HS6ST2: variants seen among roughly 807,000 people sequenced by gnomAD.
HS6ST2 encodes the protein heparan-sulfate 6-O-sulfotransferase 2.
Under a neutral mutation model 33.0 loss-of-function variants are expected in HS6ST2, and 17 were observed. The ratio of observed to expected loss-of-function variants is 0.52; its 90% CI spans 0.35 to 0.77. The LOEUF (loss-of-function observed/expected upper bound fraction) is 0.77, where lower values mean the gene tolerates loss of function less well. Ranked by LOEUF, HS6ST2 falls within the 30% of genes least tolerant of loss-of-function variation. The pLI is 0.01. For missense variants in HS6ST2, 519 were observed against 551.7 expected (o/e 0.94, Z 0.59); for synonymous variants, 248 against 237.1 (o/e 1.05, Z -0.42).
rs747241607 is a variant in HS6ST2 at position 132,673,351 on chromosome X, G to A, written c.981-4152C>T. On this transcript the variant is annotated intron_variant, in intron 3 of 4. Coordinates refer to ENST00000370833, the MANE Select transcript of HS6ST2 (RefSeq NM_001394073.1). ...AATGTCTTGCACCAGTTTGAGAGAAGGAAGTGGTGACACATGTCACATATC... is the reference window on the plus strand; with the variant it reads ...AATGTCTTGCACCAGTTTGAGAGAAAGAAGTGGTGACACATGTCACATATC... Among the ~76,000 whole-genome samples the A allele has an allele frequency of 2.0e-4, 23 of 112,425 alleles. No homozygotes were observed. In the East Asian group the frequency reaches 5.6e-3, roughly 27 times the overall value.
intron 3 of HS6ST2, among the ~76,000 whole-genome samples, chrX:132,679,782 C>A (rs1468699146): frequency 1.8e-5 from 2 of 108,670 alleles, no homozygotes; most frequent in Admixed American, 9.8e-5. Context: ...GACCCACCCC[C>A]AGGCGCGTAT....
intron 2 of HS6ST2, among the ~76,000 whole-genome samples, chrX:132,787,212 TAC>T (rs1445032716): frequency 1.1e-5 from 1 of 88,512 alleles, no homozygotes; most frequent in Non-Finnish European, 2.1e-5. Context: ...CATATATATA[TAC>T]ACATATATAT....
intron 2 of HS6ST2, among the ~76,000 whole-genome samples, chrX:132,846,949 G>C (rs1252163123): frequency 2.7e-5 from 3 of 111,018 alleles, no homozygotes; most frequent in Non-Finnish European, 5.7e-5. Flanking sequence ...TGCCAGTCTA[G>C]GAAAACAATT....
chrX:132,754,884 A>T, intron 2 of HS6ST2, among the ~76,000 whole-genome samples: 1 of 109,761 alleles, frequency 9.1e-6, no homozygotes, highest in Non-Finnish European at 1.9e-5. Context: ...GCTAATTTTT[A>T]ATTTTTTTGT....
At chrX:132,896,613 G>A (rs2066378848) in intron 2 of HS6ST2, among the ~76,000 whole-genome samples, 1 of 111,774 alleles carries the variant, frequency 8.9e-6, no homozygotes, top group African/African-American at 3.3e-5. Flanking sequence ...GTAAATGCTT[G>A]AGGGGATGGA....
At chrX:132,791,187 T>C (rs147769229) in intron 2 of HS6ST2, among the ~76,000 whole-genome samples, 2,745 of 111,519 alleles carry the variant, frequency 0.025, 58 homozygotes, top group East Asian at 0.13. Context: ...TCTTAAGATA[T>C]GTTTGTGGTC....
rs761435444 is a variant in HS6ST2, at chrX:132,743,953, CTG to C, written c.948-35461_948-35460del. The stretch of plus-strand genomic sequence containing the variant: ...TGCTGCCATGCTTGGCTAATTTTGT[CTG>C]TGTGTGTGTGTGTGTGGAGAAACGG... On this transcript the variant is annotated intron_variant, in intron 2 of 4. Transcript: ENST00000370833. Among the ~76,000 whole-genome samples the C allele has an allele frequency of 8.6e-3, 936 of 108,217 alleles. 9 individuals carry two copies. The highest frequency in any genetic ancestry group is 0.029 in the African/African-American group (868 of 29,859). The allele number at this position is 108,217 out of a possible 115,157, so 94.0% of individuals were successfully genotyped here. A position where few individuals can be genotyped will look rare whatever the true frequency, so the allele number is the denominator to read the frequency against.
chrX:132,874,656 T>C (rs189261669), intron 2 of HS6ST2, among the ~76,000 whole-genome samples: 40 of 111,994 alleles, frequency 3.6e-4, no homozygotes, highest in African/African-American at 1.3e-3. Context: ...GATAGAGACC[T>C]CCACACAACA....
chrX:132,682,147 G>A (rs980291824), intron 3 of HS6ST2, among the ~76,000 whole-genome samples: 3 of 112,190 alleles, frequency 2.7e-5, no homozygotes, highest in Non-Finnish European at 3.8e-5. Flanking sequence ...CTCTGTTACT[G>A]ACACTGTCAA....
intron 4 of HS6ST2, among the ~76,000 whole-genome samples, chrX:132,632,853 G>A (rs1330439945): frequency 9.0e-6 from 1 of 110,594 alleles, no homozygotes; most frequent in Non-Finnish European, 1.9e-5. Context: ...AAGGTGGGCA[G>A]ATCACTTGAA....
chrX:132,670,808 G>A (rs913027036), intron 3 of HS6ST2, among the ~76,000 whole-genome samples: 8 of 111,711 alleles, frequency 7.2e-5, no homozygotes, highest in South Asian at 7.7e-4. Flanking sequence ...GCGAGACTCC[G>A]TCTCAAGAAT....
chrX:132,912,783 C>T (rs771876981), intron 2 of HS6ST2, among the ~76,000 whole-genome samples: 9 of 111,847 alleles, frequency 8.0e-5, no homozygotes, highest in Non-Finnish European at 1.1e-4. Flanking sequence ...CTGATAAAAC[C>T]CCACCTTCAA....
chrX:132,886,963 C>A (rs1487685658), intron 2 of HS6ST2, among the ~76,000 whole-genome samples: 4 of 110,185 alleles, frequency 3.6e-5, no homozygotes, highest in Non-Finnish European at 7.6e-5. Flanking sequence ...GATGAAACCC[C>A]GTCTCTACTA....
At chrX:132,824,405 T>G (rs2065495528) in intron 2 of HS6ST2, among the ~76,000 whole-genome samples, 1 of 112,358 alleles carries the variant, frequency 8.9e-6, no homozygotes, top group African/African-American at 3.2e-5. Context: ...TAAAATGATT[T>G]TGCTTCCAAG....
intron 2 of HS6ST2, among the ~76,000 whole-genome samples, chrX:132,788,265 A>G (rs2065085374): frequency 9.0e-6 from 1 of 111,704 alleles, no homozygotes; most frequent in South Asian, 3.8e-4. Context: ...GGTAATTTTC[A>G]CAATATTTCA....
intron 4 of HS6ST2, among the ~76,000 whole-genome samples, chrX:132,631,819 C>A (rs765652136): frequency 9.0e-6 from 1 of 111,074 alleles, no homozygotes; most frequent in Non-Finnish European, 1.9e-5. Context: ...AAGAGTGCAC[C>A]ACAGTGGAAG....
At chrX:132,776,991 T>C (rs1259034254) in intron 2 of HS6ST2, among the ~76,000 whole-genome samples, 1 of 107,679 alleles carries the variant, frequency 9.3e-6, no homozygotes, top group Non-Finnish European at 1.9e-5. Context: ...TTTACACCAG[T>C]GGTTTGCAGT....
At chrX:132,721,079 A>C (rs910607785) in intron 2 of HS6ST2, among the ~76,000 whole-genome samples, 2 of 111,912 alleles carry the variant, frequency 1.8e-5, no homozygotes, top group East Asian at 5.6e-4. Context: ...GACTAAATGG[A>C]TCTAATAGAT....
intron 2 of HS6ST2, among the ~76,000 whole-genome samples, chrX:132,941,229 C>T (rs189796977): frequency 2.9e-4 from 32 of 111,476 alleles, no homozygotes; most frequent in Admixed American, 2.8e-3. Context: ...AGCCACTTTC[C>T]CATAATGGCA....
Sources: allele counts gnomAD v4.1 joint callset (sites outside exome capture counted in the v4.1 genomes callset), GRCh38; gene constraint gnomAD v4.1.1; transcripts MANE v1.5; gene names NCBI Gene and HGNC (gene_info 2026-07-23, HGNC 2026-07-21).